Variants in MARCHF4 observed in about 807,000 individuals in gnomAD.
MARCHF4 encodes the protein membrane associated ring-CH-type finger 4.
A neutral mutation model predicts 43.9 loss-of-function variants in MARCHF4; 14 were observed. That is an observed-to-expected ratio of 0.32 (90% CI 0.21 to 0.50). The LOEUF (loss-of-function observed/expected upper bound fraction) is 0.50, where lower values mean the gene tolerates loss of function less well. Among genes scored for constraint, MARCHF4 ranks in the 20% least tolerant of loss-of-function variants. MARCHF4 has a pLI of 0.98. For missense variants in MARCHF4, 468 were observed against 536.7 expected (o/e 0.87, Z 1.27); for synonymous variants, 226 against 213.3 (o/e 1.06, Z -0.52).
chr2:216,277,441 T>A (rs1173359119), intron 3 of MARCHF4, among the ~76,000 whole-genome samples: 2 of 152,198 alleles, frequency 1.3e-5, no homozygotes, highest in Admixed American at 1.3e-4. Context: ...TATCTTCAAC[T>A]GTGCAAGACA....
intron 1 of MARCHF4, among the ~76,000 whole-genome samples, chr2:216,313,914 GC>G (rs1691730674): frequency 6.6e-6 from 1 of 152,164 alleles, no homozygotes; most frequent in Non-Finnish European, 1.5e-5. Context: ...TAGGGCTAAG[GC>G]AATAATGGAG....
chr2:216,327,054 T>C (rs1692005349), intron 1 of MARCHF4, among the ~76,000 whole-genome samples: 1 of 152,216 alleles, frequency 6.6e-6, no homozygotes, highest in Admixed American at 6.5e-5. Context: ...TAATCCATGT[T>C]AGTCACAGTG....
At chr2:216,293,627 C>CTGCTCTCAGTTCTCCGCCTGGCT (rs1691347856) in intron 1 of MARCHF4, among the ~76,000 whole-genome samples, 1 of 84,524 alleles carries the variant, frequency 1.2e-5, no homozygotes, top group Admixed American at 1.2e-4. Flanking sequence ...AGATCCAAGC[C>CTGCTCTCAGTTCTCCGCCTGGCT]AAACCCTCCA....
At position 216,329,923 on chromosome 2, in the gene MARCHF4, C is replaced by G. The variant is rs11901916; in HGVS notation, c.516+39822G>C. Among the ~76,000 whole-genome samples, 1,110 of 151,702 alleles carry G rather than the reference C, an allele frequency of 7.3e-3. 11 individuals are homozygous for G. The highest frequency in any genetic ancestry group is 0.025 in the African/African-American group (1,054 of 41,368). ...TAGCATTGTGACACCCCTGTTTCTA[C>G]AAAAATAAAACATTAGCTGGTGTGG... On this transcript the variant is annotated intron_variant, in intron 1 of 3. Coordinates refer to ENST00000273067, the MANE Select transcript of MARCHF4 (RefSeq NM_020814.3).
chr2:216,335,608 T>G (rs1002185423), intron 1 of MARCHF4, among the ~76,000 whole-genome samples: 2 of 152,124 alleles, frequency 1.3e-5, no homozygotes, highest in African/African-American at 4.8e-5. Context: ...TCTGAGGACT[T>G]AGTAGCAGTT....
At chr2:216,275,747 T>C (rs1691009001) in intron 3 of MARCHF4, among the ~76,000 whole-genome samples, 1 of 152,228 alleles carries the variant, frequency 6.6e-6, no homozygotes, top group Non-Finnish European at 1.5e-5. Context: ...TTCCCTGCTC[T>C]GTTACCCTAT....
intron 1 of MARCHF4, among the ~76,000 whole-genome samples, chr2:216,334,258 A>G (rs1226294299): frequency 6.6e-6 from 1 of 152,194 alleles, no homozygotes; most frequent in African/African-American, 2.4e-5. Context: ...TGGAGGAAGA[A>G]GGCCTTGAGC....
Position 216,370,363 on chromosome 2 carries a change from A to T in MARCHF4, c.-103T>A. 4.3e-6 allele frequency: 4 copies of T among 921,820 alleles called. No individual in the cohort carries two copies. The South Asian group carries it at 8.4e-5, about 19-fold the overall frequency. The allele number at this position is 921,820 out of a possible 1,614,324, so 57.1% of individuals were successfully genotyped here. A position where few individuals can be genotyped will look rare whatever the true frequency, so the allele number is the denominator to read the frequency against. On this transcript the variant is annotated 5_prime_UTR_variant, in exon 1 of 4. Transcript: ENST00000273067. ...CACAGTGGATCTGTGTTGTGGGGGG[A>T]GTCTGCTTTCTCACTGGCTTTTCTT...
At chr2:216,307,119 C>A (rs1427610303) in intron 1 of MARCHF4, among the ~76,000 whole-genome samples, 1 of 152,128 alleles carries the variant, frequency 6.6e-6, no homozygotes, top group Non-Finnish European at 1.5e-5. Flanking sequence ...CCCACAGCGG[C>A]CCCAGGAACC....
intron 1 of MARCHF4, among the ~76,000 whole-genome samples, chr2:216,333,665 C>A (rs1692114354): frequency 6.6e-6 from 1 of 152,198 alleles, no homozygotes; most frequent in Admixed American, 6.5e-5. Flanking sequence ...TTACTCATGT[C>A]TCCCTGCACT....
rs558735236 is a variant in MARCHF4 at position 216,315,437 on chromosome 2, G to A, written c.517-31708C>T. ...GCTGCTAGGAATTTGTTGTAAGGAAGCACCCTCAGTTCTGCAGAAAAATTT... is the reference window on the plus strand; with the variant it reads ...GCTGCTAGGAATTTGTTGTAAGGAAACACCCTCAGTTCTGCAGAAAAATTT... On this transcript the variant is annotated intron_variant, in intron 1 of 3. Coordinates refer to ENST00000273067, the MANE Select transcript of MARCHF4 (RefSeq NM_020814.3). Among the ~76,000 whole-genome samples the A allele has an allele frequency of 2.0e-5, 3 of 152,254 alleles. No individual in the cohort carries two copies. The East Asian group carries it at 5.8e-4, about 29-fold the overall frequency.
At chr2:216,291,624 T>C (rs192773530) in intron 1 of MARCHF4, among the ~76,000 whole-genome samples, 2 of 152,340 alleles carry the variant, frequency 1.3e-5, no homozygotes, top group East Asian at 3.9e-4. Context: ...TAAGAGTTTA[T>C]AGCAGATCTC....
intron 3 of MARCHF4, among the ~76,000 whole-genome samples, chr2:216,268,197 G>A (rs72960750): frequency 6.6e-6 from 1 of 152,092 alleles, no homozygotes; most frequent in Non-Finnish European, 1.5e-5. Context: ...CAAAATCCTG[G>A]GATGTCAGAC....
chr2:216,330,242 G>C (rs1692065682), intron 1 of MARCHF4, among the ~76,000 whole-genome samples: 1 of 152,186 alleles, frequency 6.6e-6, no homozygotes, highest in Admixed American at 6.5e-5. Context: ...TATAATGATA[G>C]TGTGATAGTG....
At chr2:216,318,197 A>C (rs528750130) in intron 1 of MARCHF4, 1 of 152,360 alleles carries the variant, frequency 6.6e-6, no homozygotes, top group East Asian at 1.9e-4. Context: ...GGTCATCCTT[A>C]AATGAATGTT....
intron 1 of MARCHF4, among the ~76,000 whole-genome samples, chr2:216,346,440 T>C (rs971501755): frequency 6.6e-6 from 1 of 152,220 alleles, no homozygotes; most frequent in East Asian, 1.9e-4. Flanking sequence ...TGCCAGCCTC[T>C]GCAAAATACT....
rs1440853956 is a variant in MARCHF4, at chr2:216,259,005, G to C, written c.*307C>G. The C allele has an allele frequency of 3.0e-5, 7 of 232,420 alleles. No homozygotes were observed. Among genetic ancestry groups the C allele is most frequent in the Non-Finnish European group, 5.9e-5 (7 of 117,854 alleles). The allele number at this position is 232,420 out of a possible 1,614,324, so 14.4% of individuals were successfully genotyped here. A position where few individuals can be genotyped will look rare whatever the true frequency, so the allele number is the denominator to read the frequency against. On this transcript the variant is annotated 3_prime_UTR_variant, in exon 4 of 4. Transcript: ENST00000273067. ...GCCTGCCCTCAGCCTCTGCTTCTTCGGGTACCTTGCCTGCAGGTGCATTGG... is the reference window on the plus strand; with the variant it reads ...GCCTGCCCTCAGCCTCTGCTTCTTCCGGTACCTTGCCTGCAGGTGCATTGG...
chr2:216,338,878 C>T (rs1692196180), intron 1 of MARCHF4, among the ~76,000 whole-genome samples: 1 of 152,124 alleles, frequency 6.6e-6, no homozygotes, highest in African/African-American at 2.4e-5. Context: ...TCACCACAAC[C>T]CTACCAAGTG....
intron 1 of MARCHF4, among the ~76,000 whole-genome samples, chr2:216,350,263 T>G (rs1177084743): frequency 3.5e-5 from 1 of 28,572 alleles, no homozygotes; most frequent in Non-Finnish European, 6.6e-5. Flanking sequence ...CCACTCCCCC[T>G]CACTCTGCCA....
Sources: gnomAD v4.1 joint callset for allele counts (sites outside exome capture counted in the v4.1 genomes callset) on GRCh38, gnomAD v4.1.1 for gene constraint, MANE v1.5 for transcripts, NCBI Gene and HGNC (gene_info 2026-07-23, HGNC 2026-07-21) for gene names.